XIRP2: variants seen among roughly 807,000 people sequenced by gnomAD.
The protein encoded by XIRP2 is xin actin binding repeat containing 2, also known as xin actin-binding repeat-containing protein 2.
In XIRP2, 236 loss-of-function variants were observed where a neutral mutation model predicts 277.0. The observed-to-expected ratio is 0.85, with a 90% CI of 0.77 to 0.95. The LOEUF is 0.95. Ranked by LOEUF, XIRP2 falls within the 40% of genes least tolerant of loss-of-function variation. The pLI, the probability that XIRP2 is intolerant of heterozygous loss-of-function variation, is 0.00. For synonymous variants in XIRP2, 1,490 were observed against 1,416.5 expected, an observed-to-expected ratio of 1.05 and a Z score of -1.17; for missense variants, 4,640 against 4,157.5, an observed-to-expected ratio of 1.12 and a Z score of -3.19.
chr2:166,950,356 C>T (rs371709315), intron 2 of XIRP2, among the ~76,000 whole-genome samples: 35 of 151,920 alleles, frequency 2.3e-4, no homozygotes, highest in African/African-American at 7.0e-4. Context: ...TCTGCCTTTC[C>T]GTTCGTGTAT....
intron 3 of XIRP2, among the ~76,000 whole-genome samples, chr2:167,166,271 T>C (rs1241757713): frequency 2.6e-5 from 4 of 152,206 alleles, no homozygotes; most frequent in Non-Finnish European, 4.4e-5. Context: ...AATTTTCTCA[T>C]TTCATTCTGT....
At chr2:167,130,710 G>A (rs1025818744) in intron 2 of XIRP2, among the ~76,000 whole-genome samples, 4 of 150,904 alleles carry the variant, frequency 2.7e-5, no homozygotes, top group East Asian at 1.9e-4. Context: ...CATTTCAATC[G>A]CTCTCTTAGA....
intron 2 of XIRP2, among the ~76,000 whole-genome samples, chr2:166,910,563 G>A (rs568757931): frequency 2.0e-5 from 3 of 152,200 alleles, no homozygotes; most frequent in Admixed American, 1.3e-4. Flanking sequence ...CAAAAAACCA[G>A]CTCCTGGATT....
chr2:167,255,658 C>T (rs1695635515), intron 10 of XIRP2, among the ~76,000 whole-genome samples: 1 of 151,848 alleles, frequency 6.6e-6, no homozygotes, highest in Non-Finnish European at 1.5e-5. Flanking sequence ...CATATAGCCA[C>T]TACATACCGT....
chr2:167,201,214 GAAA>G (rs1693686221), intron 3 of XIRP2, among the ~76,000 whole-genome samples: 2 of 98,408 alleles, frequency 2.0e-5, no homozygotes, highest in South Asian at 7.5e-4. Flanking sequence ...AAGAAAGAAA[GAAA>G]GAAAGAAAGA....
rs1206340287 is a variant in XIRP2, at chr2:167,011,804, G to A, written c.408+107914G>A. On this transcript the variant is annotated intron_variant, in intron 2 of 10. Coordinates refer to ENST00000409195, the MANE Select transcript of XIRP2 (RefSeq NM_152381.6). ...CTTCTTCCTGGTTTAGTGTTGGGAGGGTGTATGTGTCGAGGAATTTATCCA... is the reference window on the plus strand; with the variant it reads ...CTTCTTCCTGGTTTAGTGTTGGGAGAGTGTATGTGTCGAGGAATTTATCCA... Among the ~76,000 whole-genome samples, 14 of 151,838 alleles carry A rather than the reference G, an allele frequency of 9.2e-5. No homozygotes were observed. The East Asian group carries it at 2.4e-3, about 26-fold the overall frequency.
Position 166,954,427 on chromosome 2 carries a change from G to A in XIRP2, c.408+50537G>A, listed in dbSNP as rs142856343. ...AAAACGTCAAGAAACAACAGATGCTGGTGAGGTTGTGGAGGAATAGGAACG... is the reference window on the plus strand; with the variant it reads ...AAAACGTCAAGAAACAACAGATGCTAGTGAGGTTGTGGAGGAATAGGAACG... On this transcript the variant is annotated intron_variant, in intron 2 of 10. Coordinates refer to ENST00000409195, the MANE Select transcript of XIRP2 (RefSeq NM_152381.6). Among the ~76,000 whole-genome samples, 820 of 151,984 alleles carry A rather than the reference G, an allele frequency of 5.4e-3. 61 individuals are homozygous for A. The East Asian group carries it at 0.14, about 27-fold the overall frequency.
chr2:167,017,827 C>T (rs1687873178), intron 2 of XIRP2, among the ~76,000 whole-genome samples: 1 of 152,032 alleles, frequency 6.6e-6, no homozygotes, highest in African/African-American at 2.4e-5. Flanking sequence ...CCAGTACCAA[C>T]ATCTTCGGGA....
rs538284046 is a variant in XIRP2 at position 166,899,708 on chromosome 2, A to G, written c.-18-3757A>G. Among the ~76,000 whole-genome samples, 5 of 152,216 alleles carry G rather than the reference A, an allele frequency of 3.3e-5. No homozygotes were observed. The South Asian group carries it at 1.0e-3, about 32-fold the overall frequency. ...ATTGTGCTCTTGCCTTCTGGTCTTC[A>G]TGGTTTCTGATGAGAAATTTGCTGT... is the stretch of plus-strand genomic sequence containing the variant. On this transcript the variant is annotated intron_variant, in intron 1 of 10. Coordinates refer to ENST00000409195, the MANE Select transcript of XIRP2 (RefSeq NM_152381.6).
chr2:166,932,204 CT>C (rs1325009692), intron 2 of XIRP2, among the ~76,000 whole-genome samples: 3 of 150,358 alleles, frequency 2.0e-5, no homozygotes, highest in Middle Eastern at 3.2e-3. Flanking sequence ...TATACACACT[CT>C]CTCTCTCTCT....
chr2:166,936,168 A>T (rs1031120871), intron 2 of XIRP2, among the ~76,000 whole-genome samples: 1 of 152,182 alleles, frequency 6.6e-6, no homozygotes, highest in Admixed American at 6.5e-5. Context: ...GCCAGTGATG[A>T]TGAGCATTTT....
chr2:167,251,078 C>T lies in XIRP2; in HGVS notation c.9686C>T (p.Thr3229Ile), dbSNP rs771986272. Reference protein sequence around the residue: ...ATLRRQIKIETRGRDSPPTIT... With the variant: ...ATLRRQIKIEIRGRDSPPTIT... ...CTTCGTCGTCAAATTAAGATAGAAA[C>T]TCGTGGTAGGGACTCTCCACCTACA... The change falls in exon 9 of 11, where the codon ACT (threonine) becomes ATT (isoleucine). Residue 3229 changes from threonine (T) to isoleucine (I), a missense_variant. By Grantham distance (89) the Thr-to-Ile change is moderately conservative. Transcript: ENST00000409195. The T allele has an allele frequency of 5.6e-6, 9 of 1,613,464 alleles. No homozygotes were observed. The highest frequency in any genetic ancestry group is 7.6e-6 in the Non-Finnish European group (9 of 1,179,756).
chr2:167,153,099 A>C (rs1313474533), intron 3 of XIRP2, among the ~76,000 whole-genome samples: 1 of 152,156 alleles, frequency 6.6e-6, no homozygotes, highest in African/African-American at 2.4e-5. Context: ...GTATCTCAAA[A>C]TATTTGTTGA....
intron 2 of XIRP2, among the ~76,000 whole-genome samples, chr2:166,938,201 A>G (rs896632395): frequency 1.2e-4 from 19 of 152,218 alleles, no homozygotes; most frequent in Admixed American, 1.0e-3. Context: ...TGTCGATTTT[A>G]GATCTTTCCT....
intron 3 of XIRP2, among the ~76,000 whole-genome samples, chr2:167,148,330 C>T (rs940530817): frequency 1.5e-4 from 22 of 147,834 alleles, no homozygotes; most frequent in African/African-American, 5.3e-4. Flanking sequence ...TGCAGTGAGC[C>T]GAGATCGCAC....
intron 2 of XIRP2, among the ~76,000 whole-genome samples, chr2:166,949,581 T>A (rs1351204686): frequency 6.6e-6 from 1 of 152,098 alleles, no homozygotes; most frequent in Non-Finnish European, 1.5e-5. Context: ...TTTCTCCATG[T>A]GAATAGCACC....
chr2:166,924,639 G>A (rs1685137444), intron 2 of XIRP2, among the ~76,000 whole-genome samples: 1 of 151,878 alleles, frequency 6.6e-6, no homozygotes, highest in African/African-American at 2.4e-5. Context: ...AATGAGAAGA[G>A]GTTTCTTAAG....
intron 10 of XIRP2, among the ~76,000 whole-genome samples, chr2:167,256,241 T>C (rs1695652000): frequency 6.6e-6 from 1 of 151,622 alleles, no homozygotes; most frequent in Non-Finnish European, 1.5e-5. Context: ...ATTCCTATTA[T>C]CTATACCTTG....
At chr2:167,158,040 G>T (rs1213223243) in intron 3 of XIRP2, among the ~76,000 whole-genome samples, 2 of 152,138 alleles carry the variant, frequency 1.3e-5, no homozygotes, top group East Asian at 3.9e-4. Flanking sequence ...TTCTAGTTGT[G>T]CCGTAACATA....
Sources: allele counts gnomAD v4.1 joint callset (sites outside exome capture counted in the v4.1 genomes callset), GRCh38; gene constraint gnomAD v4.1.1; transcripts MANE v1.5; gene names NCBI Gene and HGNC (gene_info 2026-07-23, HGNC 2026-07-21).